Variants in SMYD3 observed in about 807,000 individuals in gnomAD.
The protein encoded by SMYD3 is histone-lysine N-methyltransferase SMYD3.
In SMYD3, 36 loss-of-function variants were observed where a neutral mutation model predicts 57.7. The ratio of observed to expected loss-of-function variants is 0.62; its 90% CI spans 0.48 to 0.82. SMYD3 has a LOEUF of 0.82. Ranked by LOEUF, SMYD3 falls within the 40% of genes least tolerant of loss-of-function variation. SMYD3 has a pLI of 0.00. For synonymous variants in SMYD3, 211 were observed against 195.0 expected (o/e 1.08, Z -0.68); for missense variants, 515 against 538.8 (o/e 0.96, Z 0.44).
intron 5 of SMYD3, among the ~76,000 whole-genome samples, chr1:246,006,860 G>A (rs540443320): frequency 2.0e-4 from 31 of 152,312 alleles, no homozygotes; most frequent in Admixed American, 5.9e-4. Context: ...ACAAGATCAA[G>A]GAGCCTGGAG....
intron 5 of SMYD3, among the ~76,000 whole-genome samples, chr1:246,014,715 A>G (rs1255985055): frequency 6.6e-6 from 1 of 152,130 alleles, no homozygotes; most frequent in Non-Finnish European, 1.5e-5. Context: ...CCAGGAAGGT[A>G]CAGAATCCAG....
At chr1:245,765,261 G>C in intron 10 of SMYD3, among the ~76,000 whole-genome samples, 1 of 151,608 alleles carries the variant, frequency 6.6e-6, no homozygotes, top group African/African-American at 2.4e-5. Context: ...GCCAGGTGTA[G>C]TGGAGCATGC....
chr1:246,106,767 C>T (rs2061130745), intron 5 of SMYD3, among the ~76,000 whole-genome samples: 1 of 152,096 alleles, frequency 6.6e-6, no homozygotes, highest in South Asian at 2.1e-4. Flanking sequence ...GCCCTCTGGC[C>T]TATGTGGAGC....
intron 1 of SMYD3, among the ~76,000 whole-genome samples, chr1:246,492,968 C>G (rs965383812): frequency 4.6e-5 from 7 of 152,186 alleles, no homozygotes; most frequent in Non-Finnish European, 1.0e-4. Context: ...CAGTGGAAGA[C>G]AGCCTTAAGG....
At chr1:246,440,378 C>T (rs1252412375) in intron 1 of SMYD3, among the ~76,000 whole-genome samples, 2 of 152,126 alleles carry the variant, frequency 1.3e-5, no homozygotes, top group Non-Finnish European at 2.9e-5. Context: ...GACATTAGCA[C>T]TTTGCAGAAG....
intron 5 of SMYD3, among the ~76,000 whole-genome samples, chr1:246,303,030 A>G (rs930388259): frequency 1.3e-5 from 2 of 152,188 alleles, no homozygotes; most frequent in Non-Finnish European, 2.9e-5. Flanking sequence ...ATACAGAAAA[A>G]GCAATGGAAT....
chr1:246,358,592 A>T (rs887492004), intron 1 of SMYD3, among the ~76,000 whole-genome samples: 4 of 152,212 alleles, frequency 2.6e-5, no homozygotes, highest in African/African-American at 9.7e-5. Flanking sequence ...AAATTTAAGA[A>T]AATCGAAATT....
At chr1:246,035,152 A>G (rs1161492080) in intron 5 of SMYD3, 2 of 152,220 alleles carry the variant, frequency 1.3e-5, no homozygotes, top group African/African-American at 4.8e-5. Context: ...AAGGCCTGAA[A>G]GGATCCATAC....
intron 5 of SMYD3, among the ~76,000 whole-genome samples, chr1:245,940,606 A>G (rs1001996125): frequency 2.0e-5 from 3 of 152,012 alleles, no homozygotes; most frequent in Non-Finnish European, 2.9e-5. Context: ...AGAAAGCACC[A>G]CTACCACCGA....
intron 8 of SMYD3, among the ~76,000 whole-genome samples, chr1:245,879,168 G>A (rs564056604): frequency 1.7e-4 from 26 of 152,236 alleles, no homozygotes; most frequent in Non-Finnish European, 3.2e-4. Flanking sequence ...AGTCGCTTAG[G>A]TTCCCATTTG....
At position 246,431,458 on chromosome 1, in the gene SMYD3, G is replaced by A. The variant is rs1440596607; in HGVS notation, c.164+75596C>T. ...AAAGGAGCAACTTTAGGCCAGGTGA[G>A]GTGGCTCACACCTGTAGTCCCAGCA... On this transcript the variant is annotated intron_variant, in intron 1 of 11. Coordinates refer to ENST00000490107, the MANE Select transcript of SMYD3 (RefSeq NM_001167740.2). 2.6e-5 allele frequency among the ~76,000 whole-genome samples: 4 copies of A among 152,166 alleles called. No individual in the cohort carries two copies. In the East Asian group the frequency reaches 7.7e-4, roughly 29 times the overall value.
intron 5 of SMYD3, among the ~76,000 whole-genome samples, chr1:246,129,693 G>C (rs1356224222): frequency 6.6e-6 from 1 of 152,120 alleles, no homozygotes; most frequent in African/African-American, 2.4e-5. Flanking sequence ...TTACATGAAA[G>C]AGGCTGCCAT....
At chr1:246,346,891 T>TA (rs753627122) in intron 2 of SMYD3, among the ~76,000 whole-genome samples, 4 of 152,142 alleles carry the variant, frequency 2.6e-5, no homozygotes, top group Non-Finnish European at 5.9e-5. Flanking sequence ...CTAGGAATTT[T>TA]AAAAAACTAT....
intron 5 of SMYD3, among the ~76,000 whole-genome samples, chr1:246,062,378 C>T (rs912414643): frequency 2.0e-5 from 3 of 152,128 alleles, no homozygotes; most frequent in Admixed American, 1.3e-4. Flanking sequence ...TTTAGAGCAC[C>T]TCTCCACAGT....
chr1:246,422,783 G>C (rs2067162017), intron 1 of SMYD3, among the ~76,000 whole-genome samples: 1 of 151,928 alleles, frequency 6.6e-6, no homozygotes, highest in African/African-American at 2.4e-5. Context: ...TTTTTTTTAA[G>C]ATAGCTCTAT....
At chr1:245,814,750 G>A (rs916578506) in intron 10 of SMYD3, among the ~76,000 whole-genome samples, 1 of 152,016 alleles carries the variant, frequency 6.6e-6, no homozygotes, top group African/African-American at 2.4e-5. Flanking sequence ...ATTCCCAGCA[G>A]ACCTGTTTCC....
In SMYD3 at chr1:246,202,818, C is replaced by T. The variant is rs1341361987; in HGVS notation, c.531+124383G>A. ...CAAATCCAACCCAATCACTCCTCCA[C>T]CTCTTCGCCCAGAAAATAAAGTCTG... On this transcript the variant is annotated intron_variant, in intron 5 of 11. Coordinates refer to ENST00000490107, the MANE Select transcript of SMYD3 (RefSeq NM_001167740.2). This position sits in a 1 kb window ranked among gnomAD's most constrained non-coding sequence, Gnocchi z 4.1. Among the ~76,000 whole-genome samples, 2 of 152,220 alleles carry T rather than the reference C, an allele frequency of 1.3e-5. No homozygotes were observed. Among genetic ancestry groups the T allele is most frequent in the African/African-American group, 4.8e-5 (2 of 41,452 alleles).
At chr1:245,929,107 T>C (rs776371181) in intron 6 of SMYD3, among the ~76,000 whole-genome samples, 2 of 152,230 alleles carry the variant, frequency 1.3e-5, no homozygotes, top group African/African-American at 4.8e-5. Context: ...CTCAAGGACA[T>C]ACAGCTAGTA....
intron 1 of SMYD3, among the ~76,000 whole-genome samples, chr1:246,364,655 C>T (rs907610692): frequency 6.6e-6 from 1 of 152,090 alleles, no homozygotes; most frequent in Non-Finnish European, 1.5e-5. Context: ...GTACCTCACC[C>T]CTGAAAGAAC....
Sources: allele counts gnomAD v4.1 joint callset (sites outside exome capture counted in the v4.1 genomes callset), GRCh38; gene constraint gnomAD v4.1.1; non-coding constraint Gnocchi (gnomAD v3.1); transcripts MANE v1.5; gene names NCBI Gene and HGNC (gene_info 2026-07-23, HGNC 2026-07-21).